Variants in MTMR6 observed in about 807,000 individuals in gnomAD.
The protein encoded by MTMR6 is phosphatidylinositol-3,5-bisphosphate 3-phosphatase MTMR6.
MTMR6 carries 47 observed loss-of-function variants against 80.1 expected under a neutral mutation model. The observed-to-expected ratio is 0.59, with a 90% CI of 0.46 to 0.75. MTMR6 has a LOEUF of 0.75. Among genes scored for constraint, MTMR6 ranks in the 30% least tolerant of loss-of-function variants. The pLI is 0.00. For missense variants in MTMR6, 629 were observed against 730.9 expected (o/e 0.86, Z 1.61); for synonymous variants, 254 against 253.0 (o/e 1.00, Z -0.04).
At chr13:25,272,069 G>A (rs941816254) in intron 2 of MTMR6, among the ~76,000 whole-genome samples, 7 of 152,148 alleles carry the variant, frequency 4.6e-5, no homozygotes, top group East Asian at 1.9e-4. Flanking sequence ...TACTAAAGAC[G>A]AATGGAATGA....
At chr13:25,283,267 C>A (rs954047286) in intron 1 of MTMR6, among the ~76,000 whole-genome samples, 1 of 152,290 alleles carries the variant, frequency 6.6e-6, no homozygotes. Context: ...ACCTCCACCT[C>A]TTCTTTGGTA....
At chr13:25,256,813 T>C (rs12430431) in intron 9 of MTMR6, among the ~76,000 whole-genome samples, 10,528 of 152,322 alleles carry the variant, frequency 0.069, 429 homozygotes, top group Admixed American at 0.095. Context: ...ATTGTTTTAT[T>C]ACATTATTTA....
chr13:25,284,874 C>T (rs1380592130), intron 1 of MTMR6, among the ~76,000 whole-genome samples: 2 of 152,206 alleles, frequency 1.3e-5, no homozygotes, highest in Non-Finnish European at 2.9e-5. Flanking sequence ...AGTGTCAATA[C>T]AGTGTCTGGC....
intron 5 of MTMR6, among the ~76,000 whole-genome samples, chr13:25,263,268 G>C (rs1362125321): frequency 1.3e-5 from 2 of 152,184 alleles, no homozygotes; most frequent in Non-Finnish European, 2.9e-5. Flanking sequence ...CTGAAGGCTT[G>C]AGCAGGTATA....
chr13:25,267,975 T>A (rs1346178338), intron 2 of MTMR6, 34 bp from the exon 3 acceptor site: 1 of 1,542,922 alleles, frequency 6.5e-7, no homozygotes, highest in African/African-American at 1.4e-5. Flanking sequence ...GTCATCAACA[T>A]GGAAAGCACT....
chr13:25,278,519 G>T (rs1185393101), intron 1 of MTMR6, among the ~76,000 whole-genome samples: 1 of 151,980 alleles, frequency 6.6e-6, no homozygotes, highest in Non-Finnish European at 1.5e-5. Flanking sequence ...TCAGGAGTTC[G>T]AAACCAGCCT....
intron 13 of MTMR6, among the ~76,000 whole-genome samples, chr13:25,250,655 T>C (rs183458529): frequency 6.6e-6 from 1 of 152,340 alleles, no homozygotes; most frequent in East Asian, 1.9e-4. Flanking sequence ...CTGTGATATA[T>C]TCATATAATA....
chr13:25,279,605 C>T (rs924536532), intron 1 of MTMR6, among the ~76,000 whole-genome samples: 1 of 152,034 alleles, frequency 6.6e-6, no homozygotes, highest in Non-Finnish European at 1.5e-5. Flanking sequence ...CCTGACAGTC[C>T]TCTATGTCAA....
chr13:25,277,959 C>G (rs1957761322), intron 1 of MTMR6, among the ~76,000 whole-genome samples: 1 of 152,170 alleles, frequency 6.6e-6, no homozygotes, highest in South Asian at 2.1e-4. Context: ...TTTGTTAGAT[C>G]TTTAATTTTG....
At chr13:25,273,141 A>C (rs920821599) in intron 2 of MTMR6, among the ~76,000 whole-genome samples, 2 of 152,118 alleles carry the variant, frequency 1.3e-5, no homozygotes, top group African/African-American at 4.8e-5. Context: ...AAAAAATTTT[A>C]AATTGACAAT....
In MTMR6 at chr13:25,285,390, C is replaced by G. The variant is rs1426996639; in HGVS notation, c.24+1834G>C. On this transcript the variant is annotated intron_variant, in intron 1 of 13. Coordinates refer to ENST00000381801, the MANE Select transcript of MTMR6 (RefSeq NM_004685.5). ...TTTACTGATTTTTTATTCTTTTCCG[C>G]CCCCCCCCCCCCAATTATGTCACCC... Among the ~76,000 whole-genome samples, 34 of 13,462 alleles carry G rather than the reference C, an allele frequency of 2.5e-3. 1 individual carries two copies. The highest frequency in any genetic ancestry group is 3.7e-3 in the African/African-American group (31 of 8,486). The allele number at this position is 13,462 out of a possible 152,430, so 8.8% of individuals were successfully genotyped here. A position where few individuals can be genotyped will look rare whatever the true frequency, so the allele number is the denominator to read the frequency against.
At chr13:25,284,986 T>C (rs1957926510) in intron 1 of MTMR6, among the ~76,000 whole-genome samples, 1 of 152,144 alleles carries the variant, frequency 6.6e-6, no homozygotes, top group Non-Finnish European at 1.5e-5. Flanking sequence ...CCCAAAGTAA[T>C]AAAGGAGCAT....
rs79295412 is a variant in MTMR6, at chr13:25,266,337, A to C, written c.305-51T>G. 4.6e-3 allele frequency: 6,471 copies of C among 1,419,860 alleles called. 199 individuals are homozygous for C. The East Asian group carries it at 0.083, about 18-fold the overall frequency. 88.0% of individuals were successfully genotyped at this position (1,419,860 alleles called of 1,614,324 possible). On this transcript the variant is annotated intron_variant, in intron 3 of 13. Transcript: ENST00000381801. The stretch of plus-strand genomic sequence containing the variant: ...TAAGTGCAATTTATAAGACTTATAC[A>C]CTACAAATAAATGTAATTTTTCAGT...
chr13:25,271,730 G>A (rs1192702155), intron 2 of MTMR6, among the ~76,000 whole-genome samples: 2 of 152,128 alleles, frequency 1.3e-5, no homozygotes, highest in African/African-American at 4.8e-5. Context: ...TAGAATGTTG[G>A]CTCCATGAGG....
rs377589798 is a variant in MTMR6, at chr13:25,257,809, T to C, written c.896A>G (p.Tyr299Cys). 1.7e-5 allele frequency: 28 copies of C among 1,613,750 alleles called. No individual in the cohort carries two copies. Among genetic ancestry groups the C allele is most frequent in the Admixed American group, 5.0e-5 (3 of 59,972 alleles). The change falls in exon 8 of 14, where the codon TAC (tyrosine) becomes TGC (cysteine). Residue 299 changes from tyrosine (Y) to cysteine (C), a missense_variant. Transcript: ENST00000381801. ...GTKGLSVNDF[Y>C]SGLESSGWLR... Reference sequence around the variant, plus strand: ...CCATCCCGAGCTCTCCAAACCGGAGTAGAAATCATTGACAGAAAGCCCTTT... The same window carrying C: ...CCATCCCGAGCTCTCCAAACCGGAGCAGAAATCATTGACAGAAAGCCCTTT...
chr13:25,284,992 A>G (rs1250406773), intron 1 of MTMR6, among the ~76,000 whole-genome samples: 1 of 152,220 alleles, frequency 6.6e-6, no homozygotes, highest in African/African-American at 2.4e-5. Flanking sequence ...GTAATAAAGG[A>G]GCATATTTGA....
chr13:25,275,614 C>A (rs1957701192), intron 1 of MTMR6, among the ~76,000 whole-genome samples: 1 of 151,956 alleles, frequency 6.6e-6, no homozygotes, highest in Admixed American at 6.6e-5. Flanking sequence ...GTAATCCCAG[C>A]ACTTTGGGAG....
chr13:25,287,364 G>T lies in MTMR6; in HGVS notation c.-117C>A. On this transcript the variant is annotated 5_prime_UTR_variant, in exon 1 of 14. Transcript: ENST00000381801. The stretch of plus-strand genomic sequence containing the variant: ...CTCCCTCCACCAGCCAGCGCCGCGG[G>T]TCTGTCTGCCGGCCCCGGTGGCGTC... 7.2e-7 allele frequency: 1 copy of T among 1,381,316 alleles called. No individual in the cohort carries two copies. The highest frequency in any genetic ancestry group is 9.9e-7 in the Non-Finnish European group (1 of 1,006,472). 85.6% of individuals were successfully genotyped at this position (1,381,316 alleles called of 1,614,324 possible). A position where few individuals can be genotyped will look rare whatever the true frequency, so the allele number is the denominator to read the frequency against.
intron 1 of MTMR6, among the ~76,000 whole-genome samples, chr13:25,275,635 G>A (rs1257579662): frequency 6.6e-6 from 1 of 151,958 alleles, no homozygotes; most frequent in Admixed American, 6.6e-5. Flanking sequence ...GCTAAGGCAG[G>A]GGAATCATGA....
Sources: allele counts gnomAD v4.1 joint callset (sites outside exome capture counted in the v4.1 genomes callset), GRCh38; gene constraint gnomAD v4.1.1; transcripts MANE v1.5; gene names NCBI Gene and HGNC (gene_info 2026-07-23, HGNC 2026-07-21).